The following RORA variants were observed in gnomAD, a reference collection of about 807,000 sequenced individuals.
RORA encodes RAR related orphan receptor A.
In RORA, 7 loss-of-function variants were observed where a neutral mutation model predicts 69.5. That is an observed-to-expected ratio of 0.10 (90% CI 0.06 to 0.19). The LOEUF (loss-of-function observed/expected upper bound fraction) is 0.19. RORA is among the 10% of genes least tolerant of loss of function. The pLI is 1.00. For missense variants in RORA, 457 were observed against 663.0 expected, an observed-to-expected ratio of 0.69 and a Z score of 3.41; for synonymous variants, 261 against 240.8, an observed-to-expected ratio of 1.08 and a Z score of -0.78.
At chr15:60,768,031 T>A (rs17204426) in intron 1 of RORA, among the ~76,000 whole-genome samples, 5 of 152,090 alleles carry the variant, frequency 3.3e-5, no homozygotes, top group Admixed American at 2.6e-4. Context: ...GGAGTTTTCC[T>A]GGCTGAATCA....
chr15:61,225,582 C>T (rs2140952152), intron 1 of RORA, among the ~76,000 whole-genome samples: 1 of 152,280 alleles, frequency 6.6e-6, no homozygotes, highest in South Asian at 2.1e-4. Flanking sequence ...TTAATCCCAT[C>T]TTTTGGTTTC....
chr15:60,873,125 G>A (rs1304035185), intron 1 of RORA, among the ~76,000 whole-genome samples: 1 of 151,966 alleles, frequency 6.6e-6, no homozygotes, highest in Non-Finnish European at 1.5e-5. Flanking sequence ...CTTGTGCCCA[G>A]AATTTCCCCT....
At chr15:60,581,926 C>T (rs180812860) in intron 2 of RORA, among the ~76,000 whole-genome samples, 7 of 152,144 alleles carry the variant, frequency 4.6e-5, no homozygotes, top group Admixed American at 6.5e-5. Context: ...AAACTGCAGA[C>T]GATACATTGG....
chr15:60,894,122 C>T (rs2140460513), intron 1 of RORA, among the ~76,000 whole-genome samples: 1 of 152,312 alleles, frequency 6.6e-6, no homozygotes, highest in Admixed American at 6.5e-5. Flanking sequence ...AGACTCCCTC[C>T]ACCAGCCACG....
At chr15:61,127,219 TTC>T (rs1279575848) in intron 1 of RORA, among the ~76,000 whole-genome samples, 1 of 152,206 alleles carries the variant, frequency 6.6e-6, no homozygotes, top group African/African-American at 2.4e-5. Context: ...TTGGCAGTTT[TTC>T]TCTGAGTGGA....
At position 60,489,084 on chromosome 15, in the gene RORA, T is replaced by C. The variant is rs1321809600; in HGVS notation, c.*8371A>G. ...ATACAATCTCTACCCTCAGGAAGCT[T>C]AGGATGCTAAATCGTGCTTTAAAAA... On this transcript the variant is annotated 3_prime_UTR_variant, in exon 11 of 11. Transcript: ENST00000335670. 6.6e-6 allele frequency: 1 copy of C among 152,172 alleles called. No individual in the cohort carries two copies. Among genetic ancestry groups the C allele is most frequent in the Non-Finnish European group, 1.5e-5 (1 of 68,024 alleles). 9.4% of individuals were successfully genotyped at this position (152,172 alleles called of 1,614,324 possible).
chr15:61,076,936 T>TAA (rs76513450), intron 1 of RORA, among the ~76,000 whole-genome samples: 596 of 139,616 alleles, frequency 4.3e-3, no homozygotes, highest in Non-Finnish European at 6.0e-3. Flanking sequence ...TTGTTCAAAG[T>TAA]AAAAAAAAAA....
chr15:60,985,189 A>G (rs554383312), intron 1 of RORA, among the ~76,000 whole-genome samples: 5 of 152,328 alleles, frequency 3.3e-5, no homozygotes, highest in Admixed American at 3.3e-4. Flanking sequence ...GAATCTAAGA[A>G]TCTTTTTCTA....
chr15:61,200,329 TG>T (rs1395502103), intron 1 of RORA, among the ~76,000 whole-genome samples: 15 of 152,050 alleles, frequency 9.9e-5, no homozygotes, highest in Admixed American at 6.5e-4. Flanking sequence ...CCTTTCAGGG[TG>T]TTGAGAGGCC....
chr15:60,493,655 T>A lies in RORA; in HGVS notation c.*3800A>T, dbSNP rs1380289569. On this transcript the variant is annotated 3_prime_UTR_variant, in exon 11 of 11. Coordinates refer to ENST00000335670, the MANE Select transcript of RORA (RefSeq NM_134261.3). ...TAATACAAAGTTTGTTTGTTTGTAT[T>A]TTTTTTTTTAGAAAATTACATTACT... 6.7e-6 allele frequency: 1 copy of A among 149,504 alleles called. No homozygotes were observed. The highest frequency in any genetic ancestry group is 2.1e-4 in the South Asian group (1 of 4,742). 9.3% of individuals were successfully genotyped at this position (149,504 alleles called of 1,614,324 possible). A position where few individuals can be genotyped will look rare whatever the true frequency, so the allele number is the denominator to read the frequency against.
chr15:60,733,914 CAG>C (rs58672002), intron 1 of RORA, among the ~76,000 whole-genome samples: 10,574 of 101,422 alleles, frequency 0.1, 472 homozygotes, highest in African/African-American at 0.18. Context: ...AGAATAGGGG[CAG>C]AGAGAGAGAG....
intron 1 of RORA, among the ~76,000 whole-genome samples, chr15:61,075,306 A>G (rs1027813180): frequency 6.6e-6 from 1 of 152,052 alleles, no homozygotes; most frequent in South Asian, 2.1e-4. Flanking sequence ...TCAGACTTCA[A>G]TGTCCTCAAG....
intron 1 of RORA, among the ~76,000 whole-genome samples, chr15:60,978,959 C>CCCTTTTTTTTTT (rs1423510527): frequency 6.1e-5 from 3 of 48,988 alleles, no homozygotes; most frequent in African/African-American, 2.2e-4. Flanking sequence ...TCCAACTTTG[C>CCCTTTTTTTTTT]TCTTTTTTTT....
intron 2 of RORA, among the ~76,000 whole-genome samples, chr15:60,623,969 T>A (rs1285064858): frequency 6.7e-6 from 1 of 150,248 alleles, no homozygotes; most frequent in Non-Finnish European, 1.5e-5. Context: ...CTAAAATTCT[T>A]GCTCGAAGGT....
At chr15:60,609,622 C>T (rs2069037077) in intron 2 of RORA, among the ~76,000 whole-genome samples, 2 of 152,160 alleles carry the variant, frequency 1.3e-5, no homozygotes, top group Non-Finnish European at 2.9e-5. Context: ...AAATACCTGC[C>T]ATAACAGAAG....
intron 3 of RORA, among the ~76,000 whole-genome samples, chr15:60,516,043 ATAT>A (rs2065894848): frequency 6.7e-4 from 3 of 4,452 alleles, no homozygotes; most frequent in African/African-American, 1.5e-3. Context: ...ATATATTTAT[ATAT>A]TTATATATAT....
intron 1 of RORA, among the ~76,000 whole-genome samples, chr15:61,051,631 A>C (rs1221823301): frequency 1.3e-5 from 2 of 152,228 alleles, no homozygotes; most frequent in African/African-American, 2.4e-5. Context: ...GTAAGACACC[A>C]GGACAGCTGT....
intron 1 of RORA, among the ~76,000 whole-genome samples, chr15:61,103,346 T>C (rs1463845452): frequency 1.3e-5 from 2 of 152,236 alleles, no homozygotes; most frequent in African/African-American, 2.4e-5. Flanking sequence ...TGGATAAATT[T>C]AGGGTTATCC....
At chr15:60,618,000 T>C (rs1455257668) in intron 2 of RORA, among the ~76,000 whole-genome samples, 1 of 152,328 alleles carries the variant, frequency 6.6e-6, no homozygotes, top group African/African-American at 2.4e-5. Context: ...TAAGAAGTCA[T>C]AGAGAAGTGA....
Sources: allele counts gnomAD v4.1 joint callset (sites outside exome capture counted in the v4.1 genomes callset), GRCh38; gene constraint gnomAD v4.1.1; transcripts MANE v1.5; gene names NCBI Gene and HGNC (gene_info 2026-07-23, HGNC 2026-07-21).